The following NOTCH3 variants were observed in gnomAD, a reference collection of about 807,000 sequenced individuals.
NOTCH3 encodes neurogenic locus notch homolog protein 3.
In NOTCH3, 86 loss-of-function variants were observed where a neutral mutation model predicts 213.3. The ratio of observed to expected loss-of-function variants is 0.40; its 90% CI spans 0.34 to 0.48. The LOEUF is 0.48. Ranked by LOEUF, NOTCH3 falls within the 20% of genes least tolerant of loss-of-function variation. The probability of loss-of-function intolerance (pLI) is 0.57; values close to 1 mark genes in which losing one functional copy is unlikely to be tolerated. For missense variants in NOTCH3, 2,783 were observed against 3,272.6 expected, an observed-to-expected ratio of 0.85 and a Z score of 3.65; for synonymous variants, 1,354 against 1,355.9, an observed-to-expected ratio of 1.00 and a Z score of 0.03.
rs747749554 is a variant in NOTCH3 at position 15,167,329 on chromosome 19, C to T, written c.5282G>A (p.Arg1761His). 21 of 1,613,090 alleles carry T rather than the reference C, an allele frequency of 1.3e-5. No individual in the cohort carries two copies. Among genetic ancestry groups the T allele is most frequent in the African/African-American group, 2.7e-5 (2 of 74,926 alleles). The change falls in exon 29 of 33, where the codon CGC becomes CAC. Residue 1761 changes from arginine to histidine, a missense_variant. Around this residue, in one of 6 missense-constraint regions of NOTCH3, gnomAD observed 636 missense variants for 801.8 expected, o/e 0.79. Coordinates refer to ENST00000263388, the MANE Select transcript of NOTCH3 (RefSeq NM_000435.3). ...TGTCAGTGCCATGGCTGGTGCCACG[C>T]GGATGTCAGCAGCAACCAGATGGTG... The part of the protein sequence containing the change: ...TQHHLVAADI[R>H]VAPAMALTPP...
intron 5 of NOTCH3, 35 bp downstream of exon 5, chr19:15,191,710 C>G: frequency 6.2e-7 from 1 of 1,613,594 alleles, no homozygotes; most frequent in Non-Finnish European, 8.5e-7. Flanking sequence ...CCACCCGAGG[C>G]CTGCCTCCCC....
intron 10 of NOTCH3, 59 bp downstream of exon 10, chr19:15,187,822 C>T (rs2046896004): frequency 2.2e-6 from 3 of 1,367,010 alleles, no homozygotes; most frequent in Admixed American, 2.0e-5. Flanking sequence ...TGTTATTGGC[C>T]CTGTCGCCCA....
intron 24 of NOTCH3, among the ~76,000 whole-genome samples, chr19:15,176,063 G>T (rs913319146): frequency 6.6e-6 from 1 of 151,862 alleles, no homozygotes; most frequent in Non-Finnish European, 1.5e-5. Flanking sequence ...TAGCCATATA[G>T]AGGAGCAAAA....
At position 15,160,836 on chromosome 19, in the gene NOTCH3, T is replaced by A. The variant is rs566389753; in HGVS notation, c.6792A>T (p.Ser2264=). 3.1e-6 allele frequency: 5 copies of A among 1,613,536 alleles called. No individual in the cohort carries two copies. Among genetic ancestry groups the A allele is most frequent in the African/African-American group, 2.7e-5 (2 of 74,854 alleles). The part of the protein sequence containing the change: ...HWASPSPPSL[S]DWSESTPSPA... ...GGCTAGGCGTGGATTCGGACCAGTC[T>A]GAGAGGGAGGGAGGTGAGGGGCTGG... The change falls in exon 33 of 33, where the codon TCA becomes TCT. Residue 2264 remains serine, a synonymous_variant. Coordinates refer to ENST00000263388, the MANE Select transcript of NOTCH3 (RefSeq NM_000435.3).
chr19:15,186,194 G>A (rs903872021), intron 12 of NOTCH3, among the ~76,000 whole-genome samples: 13 of 152,024 alleles, frequency 8.6e-5, no homozygotes, highest in African/African-American at 3.1e-4. Context: ...GAACTCCTGG[G>A]CTCAAGTGAT....
chr19:15,199,589 G>A (rs2046995093), intron 1 of NOTCH3, among the ~76,000 whole-genome samples: 1 of 152,212 alleles, frequency 6.6e-6, no homozygotes, highest in African/African-American at 2.4e-5. Flanking sequence ...GCAGCTGGGT[G>A]TGTCTTTCCT....
rs139966230 is a variant in NOTCH3, at chr19:15,162,765, GTGTGTGTT to G, written c.5816-211_5816-204del. Among the ~76,000 whole-genome samples, 2,349 of 13,574 alleles carry G rather than the reference GTGTGTGTT, an allele frequency of 0.17. 37 individuals carry two copies. Among genetic ancestry groups the G allele is most frequent in the African/African-American group, 0.24 (1,552 of 6,574 alleles). The allele number at this position is 13,574 out of a possible 152,430, so 8.9% of individuals were successfully genotyped here. A position where few individuals can be genotyped will look rare whatever the true frequency, so the allele number is the denominator to read the frequency against. ...ATGGGGAAGCACTTTGTGTCTGTGT[GTGTGTGTT>G]TGTGTGTGTGTGTGTGTGTGCGTGC... is the stretch of plus-strand genomic sequence containing the variant. On this transcript the variant is annotated intron_variant, in intron 31 of 32. Transcript: ENST00000263388.
chr19:15,195,003 C>T (rs2046958526), intron 2 of NOTCH3, among the ~76,000 whole-genome samples: 2 of 151,764 alleles, frequency 1.3e-5, no homozygotes, highest in Admixed American at 6.6e-5. Context: ...GTCTCAGACC[C>T]CAGGACACAA....
chr19:15,164,641 T>C (rs1449434725), intron 31 of NOTCH3, among the ~76,000 whole-genome samples: 1 of 151,960 alleles, frequency 6.6e-6, no homozygotes, highest in Non-Finnish European at 1.5e-5. Context: ...CAAGTCACTA[T>C]ATGTGGCCAG....
chr19:15,179,941 C>T (rs1222382466), intron 20 of NOTCH3, 131 bp downstream of exon 20: 1 of 651,504 alleles, frequency 1.5e-6, no homozygotes, highest in Non-Finnish European at 2.7e-6. Context: ...CACAGATACA[C>T]CAAGAGTCAC....
intron 1 of NOTCH3, among the ~76,000 whole-genome samples, chr19:15,198,813 A>T (rs2046989028): frequency 6.6e-6 from 1 of 152,154 alleles, no homozygotes; most frequent in Non-Finnish European, 1.5e-5. Flanking sequence ...CGGGAGGCTG[A>T]GGCAGGAGAA....
At position 15,189,433 on chromosome 19, in the gene NOTCH3, G is replaced by T. The variant is rs776044693; in HGVS notation, c.1037-5C>A. The T allele has an allele frequency of 1.2e-6, 2 of 1,613,618 alleles. No individual in the cohort carries two copies. The highest frequency in any genetic ancestry group is 1.7e-6 in the Non-Finnish European group (2 of 1,180,036). On this transcript the variant is annotated splice_region_variant and splice_polypyrimidine_tract_variant and intron_variant, in intron 6 of 32. Coordinates refer to ENST00000263388, the MANE Select transcript of NOTCH3 (RefSeq NM_000435.3). ...CATCCAGGTGACACAGGAGGCCTGG[G>T]AAGTGGTAAGCAGAAGTCATAGGCA...
intron 19 of NOTCH3, 72 bp from the exon 20 acceptor site, chr19:15,180,328 C>A: frequency 6.6e-7 from 1 of 1,516,564 alleles, no homozygotes; most frequent in Non-Finnish European, 9.1e-7. Flanking sequence ...TCACACAGAT[C>A]ATTCAACATC....
At chr19:15,188,153 C>T (rs1205477409) in intron 9 of NOTCH3, 82 bp downstream of exon 9, 4 of 1,114,670 alleles carry the variant, frequency 3.6e-6, no homozygotes, top group African/African-American at 3.1e-5. Context: ...TATCCGCTAA[C>T]GTGGTTTTAC....
At chr19:15,200,721 G>A in intron 1 of NOTCH3, 67 bp downstream of exon 1, 1 of 1,155,416 alleles carries the variant, frequency 8.7e-7, no homozygotes. Flanking sequence ...CGCCAGCCCC[G>A]GCCTTGGGGG....
Position 15,187,953 on chromosome 19 carries a change from C to A in NOTCH3, c.1534G>T (p.Ala512Ser). Residue 512 changes from alanine to serine, a missense_variant, in exon 10 of 33, where the codon GCC (alanine) becomes TCC (serine). Physicochemically the swap from Ala to Ser is moderately conservative, Grantham distance 99. Coordinates refer to ENST00000263388, the MANE Select transcript of NOTCH3 (RefSeq NM_000435.3). ...STCQLDVDEC[A>S]STPCRNGAKC... ...GCGCCATTCCTGCAGGGCGTGCTGGCGCATTCGTCCACGTCCAGCTGACAC... is the reference window on the plus strand; with the variant it reads ...GCGCCATTCCTGCAGGGCGTGCTGGAGCATTCGTCCACGTCCAGCTGACAC... 1 of 1,550,612 alleles carries A rather than the reference C, an allele frequency of 6.4e-7. No homozygotes were observed. Among genetic ancestry groups the A allele is most frequent in the Non-Finnish European group, 8.7e-7 (1 of 1,146,974 alleles).
Position 15,181,799 on chromosome 19 carries a change from G to A in NOTCH3, c.2569C>T (p.Pro857Ser). 2 of 1,554,888 alleles carry A rather than the reference G, an allele frequency of 1.3e-6. No individual in the cohort carries two copies. Among genetic ancestry groups the A allele is most frequent in the Admixed American group, 1.9e-5 (1 of 51,538 alleles). ...DQDINDCDPNPCLNGGSCQDG... is the reference protein window; with the variant it reads ...DQDINDCDPNSCLNGGSCQDG... ...TGGCACGAGCCACCGTTCAGGCATG[G>A]GTCTGCGGACAGGAGGAAGGCGGTC... The change falls in exon 17 of 33, where the codon CCA becomes TCA. Residue 857 changes from proline (P) to serine (S), a missense_variant and splice_region_variant. By Grantham distance (74) the Pro-to-Ser change is moderately conservative (BLOSUM62 -1). Coordinates refer to ENST00000263388, the MANE Select transcript of NOTCH3 (RefSeq NM_000435.3).
chr19:15,184,218 A>G (rs1425920710), intron 16 of NOTCH3, 77 bp downstream of exon 16: 2 of 1,387,326 alleles, frequency 1.4e-6, no homozygotes, highest in East Asian at 4.6e-5. Context: ...AAATGACAGC[A>G]CAGTGCCAGG....
At chr19:15,176,843 C>G (rs1355496727) in intron 24 of NOTCH3, among the ~76,000 whole-genome samples, 1 of 147,272 alleles carries the variant, frequency 6.8e-6, no homozygotes, top group Non-Finnish European at 1.5e-5. Context: ...GAGGCCAAGG[C>G]GGGCGGATCA....
Sources: gnomAD v4.1 joint callset for allele counts (sites outside exome capture counted in the v4.1 genomes callset) on GRCh38, gnomAD v4.1.1 for gene constraint, gnomAD v4.1.1 regional missense constraint, MANE v1.5 for transcripts, NCBI Gene and HGNC (gene_info 2026-07-23, HGNC 2026-07-21) for gene names.